Variants in KSR2 observed in about 807,000 individuals in gnomAD.
The protein encoded by KSR2 is kinase suppressor of ras 2.
KSR2 carries 25 observed loss-of-function variants against 107.8 expected under a neutral mutation model. That is an observed-to-expected ratio of 0.23 (90% CI 0.17 to 0.32). The LOEUF is 0.32. Ranked by LOEUF, KSR2 falls within the 10% of genes least tolerant of loss-of-function variation. KSR2 has a pLI of 1.00. For missense variants in KSR2, 887 were observed against 1,268.9 expected (o/e 0.70, Z 4.57); for synonymous variants, 480 against 507.0 (o/e 0.95, Z 0.71).
At chr12:117,609,867 A>G (rs1881497126) in intron 5 of KSR2, among the ~76,000 whole-genome samples, 1 of 152,206 alleles carries the variant, frequency 6.6e-6, no homozygotes, top group Non-Finnish European at 1.5e-5. Flanking sequence ...GTTTCCAGAC[A>G]CTAGGAGTGG....
intron 1 of KSR2, among the ~76,000 whole-genome samples, chr12:117,944,990 T>C (rs912511100): frequency 6.6e-6 from 1 of 152,152 alleles, no homozygotes; most frequent in Admixed American, 6.6e-5. Context: ...CTTTAAGTAA[T>C]GACAAAGGAT....
chr12:117,742,187 G>A (rs1485465379), intron 4 of KSR2, among the ~76,000 whole-genome samples: 1 of 152,210 alleles, frequency 6.6e-6, no homozygotes, highest in Non-Finnish European at 1.5e-5. Context: ...ACAGGAGAAA[G>A]CAAGTCCCAG....
At chr12:117,912,676 T>C (rs986261268) in intron 1 of KSR2, among the ~76,000 whole-genome samples, 3 of 152,242 alleles carry the variant, frequency 2.0e-5, no homozygotes, top group African/African-American at 7.2e-5. Context: ...ATTACGGGAC[T>C]CTGTTTTGTA....
intron 14 of KSR2, among the ~76,000 whole-genome samples, chr12:117,510,591 G>A (rs759617668): frequency 4.6e-5 from 7 of 152,156 alleles, no homozygotes; most frequent in Admixed American, 1.3e-4. Flanking sequence ...CAATGTCTGC[G>A]ACAGGCCGGG....
intron 3 of KSR2, among the ~76,000 whole-genome samples, chr12:117,768,503 G>A (rs902731439): frequency 1.3e-5 from 2 of 152,190 alleles, no homozygotes; most frequent in Admixed American, 6.5e-5. Context: ...GGCTGTGTGG[G>A]CATCCGTCCT....
At chr12:117,834,119 C>A (rs1407813170) in intron 3 of KSR2, among the ~76,000 whole-genome samples, 3 of 148,682 alleles carry the variant, frequency 2.0e-5, no homozygotes, top group African/African-American at 7.5e-5. Context: ...CAAGCCTGGG[C>A]AAGAGAGTGA....
chr12:117,672,088 A>G (rs1884931777), intron 4 of KSR2, among the ~76,000 whole-genome samples: 1 of 152,170 alleles, frequency 6.6e-6, no homozygotes, highest in Admixed American at 6.5e-5. Context: ...GCCTCCAGTT[A>G]TAGCAGCACA....
chr12:117,740,458 ATATAT>A (rs1034183232), intron 4 of KSR2, among the ~76,000 whole-genome samples: 2 of 88,680 alleles, frequency 2.3e-5, no homozygotes, highest in African/African-American at 3.5e-5. Flanking sequence ...TATATAGTAC[ATATAT>A]TATATGTAAT....
intron 1 of KSR2, among the ~76,000 whole-genome samples, chr12:117,948,894 G>GACC (rs200748880): frequency 0.017 from 2,644 of 152,250 alleles, 87 homozygotes; most frequent in African/African-American, 0.061. Flanking sequence ...AGGAGTTAAA[G>GACC]ACCAGCCTGG....
intron 4 of KSR2, among the ~76,000 whole-genome samples, chr12:117,749,926 A>G (rs1264040590): frequency 6.6e-6 from 1 of 152,032 alleles, no homozygotes; most frequent in Non-Finnish European, 1.5e-5. Flanking sequence ...GTACTAGGTC[A>G]ATGCTGAATG....
At chr12:117,639,321 TCA>T (rs1883250511) in intron 5 of KSR2, among the ~76,000 whole-genome samples, 1 of 145,318 alleles carries the variant, frequency 6.9e-6, no homozygotes, top group African/African-American at 2.6e-5. Context: ...ATTATTATTA[TCA>T]TCATTATTAT....
At chr12:117,567,661 C>A (rs1270834406) in intron 7 of KSR2, among the ~76,000 whole-genome samples, 18 of 134,954 alleles carry the variant, frequency 1.3e-4, no homozygotes, top group Admixed American at 1.5e-4. Flanking sequence ...AGGCTTCTCG[C>A]AAAAAAAAAA....
chr12:117,556,699 G>A lies in KSR2; in HGVS notation c.1394-1406C>T, dbSNP rs142133045. 1.4e-3 allele frequency among the ~76,000 whole-genome samples: 214 copies of A among 152,214 alleles called. 1 individual carries two copies. In the Middle Eastern group the frequency reaches 0.024, roughly 17 times the overall value. On this transcript the variant is annotated intron_variant, in intron 8 of 19. Transcript: ENST00000339824. ...CACCGATCAAGGCCAGGGGAGACGG[G>A]GGTGGGCAAGTGAGAGGACAGGGAA...
chr12:117,499,039 C>T (rs1240218058), intron 14 of KSR2, among the ~76,000 whole-genome samples: 1 of 152,216 alleles, frequency 6.6e-6, no homozygotes, highest in African/African-American at 2.4e-5. Context: ...TAGTAATGAA[C>T]TTTGAGCCTC....
Position 117,525,320 on chromosome 12 carries a change from A to T in KSR2, c.1852-101T>A, listed in dbSNP as rs1875051987. The T allele has an allele frequency of 3.9e-6, 5 of 1,295,452 alleles. 1 individual carries two copies. In the South Asian group the frequency reaches 6.2e-5, roughly 16 times the overall value. 80.2% of individuals were successfully genotyped at this position (1,295,452 alleles called of 1,614,324 possible). On this transcript the variant is annotated intron_variant, in intron 13 of 19. Coordinates refer to ENST00000339824, the MANE Select transcript of KSR2 (RefSeq NM_173598.6). ...CGTGCACATGCGTAGGTCTGGGCACATCTCTACATGCATTTGGAGCTTGTG... is the reference window on the plus strand; with the variant it reads ...CGTGCACATGCGTAGGTCTGGGCACTTCTCTACATGCATTTGGAGCTTGTG...
chr12:117,516,908 C>T (rs144157118), intron 14 of KSR2, among the ~76,000 whole-genome samples: 4 of 152,178 alleles, frequency 2.6e-5, no homozygotes, highest in African/African-American at 9.7e-5. Flanking sequence ...CCTGGGAATA[C>T]AGTTAGCTAT....
intron 4 of KSR2, among the ~76,000 whole-genome samples, chr12:117,727,301 A>G (rs1234528631): frequency 6.6e-6 from 1 of 151,898 alleles, no homozygotes; most frequent in Non-Finnish European, 1.5e-5. Flanking sequence ...CTTGAGCCTG[A>G]GAAGTGGAAG....
intron 1 of KSR2, among the ~76,000 whole-genome samples, chr12:117,906,804 G>A (rs780270390): frequency 2.0e-5 from 3 of 152,050 alleles, no homozygotes; most frequent in African/African-American, 7.2e-5. Flanking sequence ...CTAGCACTTC[G>A]GGAGGTGAAG....
At chr12:117,688,565 C>T (rs1264319660) in intron 4 of KSR2, among the ~76,000 whole-genome samples, 3 of 152,194 alleles carry the variant, frequency 2.0e-5, no homozygotes, top group African/African-American at 7.2e-5. Flanking sequence ...CAGCCAGTGT[C>T]CAATTGGCAG....
Sources: gnomAD v4.1 joint callset for allele counts (sites outside exome capture counted in the v4.1 genomes callset) on GRCh38, gnomAD v4.1.1 for gene constraint, MANE v1.5 for transcripts, NCBI Gene and HGNC (gene_info 2026-07-23, HGNC 2026-07-21) for gene names.